SNTG1: variants seen among roughly 807,000 people sequenced by gnomAD.
The protein encoded by SNTG1 is syntrophin gamma 1, also known as gamma-1-syntrophin.
In SNTG1, 39 loss-of-function variants were observed where a neutral mutation model predicts 74.7. That is an observed-to-expected ratio of 0.52 (90% confidence interval 0.40 to 0.68). The LOEUF (loss-of-function observed/expected upper bound fraction) is 0.68. Ranked by LOEUF, SNTG1 falls within the 30% of genes least tolerant of loss-of-function variation. The pLI, the probability that SNTG1 is intolerant of heterozygous loss-of-function variation, is 0.00. For synonymous variants in SNTG1, 254 were observed against 217.1 expected (o/e 1.17, Z -1.49); for missense variants, 685 against 609.5 (o/e 1.12, Z -1.30).
intron 9 of SNTG1, among the ~76,000 whole-genome samples, chr8:50,517,778 C>A (rs978882387): frequency 2.0e-5 from 3 of 151,930 alleles, no homozygotes; most frequent in Admixed American, 1.3e-4. Context: ...TATATGCACC[C>A]AATATAGGAG....
At chr8:50,394,161 T>A in intron 2 of SNTG1, 51 bp from the exon 3 acceptor site, 1 of 1,458,454 alleles carries the variant, frequency 6.9e-7, no homozygotes, top group Non-Finnish European at 9.5e-7. Flanking sequence ...TAGTGTTCTC[T>A]CTTACATGCC....
intron 8 of SNTG1, among the ~76,000 whole-genome samples, chr8:50,471,572 A>G (rs2093654804): frequency 6.6e-6 from 1 of 152,210 alleles, no homozygotes; most frequent in South Asian, 2.1e-4. Context: ...CTACCAAGTT[A>G]CATATTATCT....
chr8:50,408,735 G>A (rs79617695), intron 4 of SNTG1, among the ~76,000 whole-genome samples: 7,139 of 152,278 alleles, frequency 0.047, 218 homozygotes, highest in Middle Eastern at 0.095. Flanking sequence ...AAACCCAGGC[G>A]TCATGCCAAG....
chr8:50,334,814 A>T (rs375468329), intron 2 of SNTG1, among the ~76,000 whole-genome samples: 1 of 152,212 alleles, frequency 6.6e-6, no homozygotes, highest in South Asian at 2.1e-4. Context: ...GCAGCTTAAA[A>T]GCCATTTTTC....
chr8:50,327,973 T>C (rs902193960), intron 2 of SNTG1, among the ~76,000 whole-genome samples: 19 of 152,204 alleles, frequency 1.2e-4, no homozygotes, highest in African/African-American at 4.6e-4. Flanking sequence ...ATCTCATTTC[T>C]TTTATCTTTG....
At chr8:50,019,478 T>A (rs1331839276) in intron 1 of SNTG1, among the ~76,000 whole-genome samples, 1 of 152,080 alleles carries the variant, frequency 6.6e-6, no homozygotes, top group African/African-American at 2.4e-5. Flanking sequence ...TCCCCCTTGT[T>A]CTTAATAAAG....
chr8:50,087,899 T>A (rs1387218912), intron 1 of SNTG1, among the ~76,000 whole-genome samples: 1 of 149,150 alleles, frequency 6.7e-6, no homozygotes, highest in Admixed American at 6.7e-5. Context: ...TCATCTAGCA[T>A]TAGGTATATC....
chr8:50,505,920 T>C (rs921349381), intron 9 of SNTG1, among the ~76,000 whole-genome samples: 1 of 152,102 alleles, frequency 6.6e-6, no homozygotes, highest in African/African-American at 2.4e-5. Context: ...CAGAAAATAA[T>C]TGCCAAATCC....
chr8:50,688,738 G>A (rs1374052075), intron 15 of SNTG1, among the ~76,000 whole-genome samples: 10 of 152,144 alleles, frequency 6.6e-5, no homozygotes, highest in Admixed American at 3.3e-4. Context: ...TTGGCAATGC[G>A]GGCTATTTTT....
intron 2 of SNTG1, among the ~76,000 whole-genome samples, chr8:50,357,604 A>G (rs2091854675): frequency 1.3e-5 from 2 of 152,320 alleles, no homozygotes; most frequent in South Asian, 4.1e-4. Flanking sequence ...TTCAAAGGAA[A>G]TGGACCAGCC....
At chr8:50,671,579 C>G (rs1231452598) in intron 15 of SNTG1, among the ~76,000 whole-genome samples, 2 of 152,106 alleles carry the variant, frequency 1.3e-5, no homozygotes, top group African/African-American at 4.8e-5. Flanking sequence ...AATAGGAACA[C>G]TTTTACACTG....
At chr8:50,539,891 T>C (rs1333248342) in intron 11 of SNTG1, among the ~76,000 whole-genome samples, 2 of 152,216 alleles carry the variant, frequency 1.3e-5, no homozygotes, top group Non-Finnish European at 2.9e-5. Flanking sequence ...GTACCCATTC[T>C]CTAGTCCTTC....
At chr8:50,416,494 G>A (rs2093015495) in intron 4 of SNTG1, among the ~76,000 whole-genome samples, 1 of 151,970 alleles carries the variant, frequency 6.6e-6, no homozygotes, top group Non-Finnish European at 1.5e-5. Context: ...AAACAATAGT[G>A]GTGATTTATT....
intron 1 of SNTG1, among the ~76,000 whole-genome samples, chr8:49,966,469 A>G (rs553068265): frequency 6.6e-6 from 1 of 151,230 alleles, no homozygotes; most frequent in East Asian, 1.9e-4. Flanking sequence ...ATCTCTGCTC[A>G]CTGCAACCTC....
chr8:50,250,495 T>C (rs571313480), intron 2 of SNTG1, among the ~76,000 whole-genome samples: 1 of 152,260 alleles, frequency 6.6e-6, no homozygotes, highest in South Asian at 2.1e-4. Context: ...AACCCAAAAA[T>C]ATTCTTTCCA....
At chr8:50,544,619 C>T (rs182301570) in intron 11 of SNTG1, among the ~76,000 whole-genome samples, 1 of 152,186 alleles carries the variant, frequency 6.6e-6, no homozygotes, top group East Asian at 1.9e-4. Context: ...TGACTCCTTA[C>T]ATTTTCATTT....
Position 50,154,196 on chromosome 8 carries a change from G to A in SNTG1, c.-102-18365G>A, listed in dbSNP as rs149938700. 4.9e-4 allele frequency among the ~76,000 whole-genome samples: 74 copies of A among 152,164 alleles called. No individual in the cohort carries two copies. The East Asian group carries it at 0.012, about 26-fold the overall frequency. On this transcript the variant is annotated intron_variant, in intron 1 of 18. Coordinates refer to ENST00000642720, the MANE Select transcript of SNTG1 (RefSeq NM_018967.5). ...GGCAGACTGACACCTCATACAGCCC[G>A]GTACCCCTCTGTGGGTGTGGGACCC...
At chr8:50,450,647 A>G (rs2093447610) in intron 7 of SNTG1, 41 bp from the exon 8 acceptor site, 2 of 1,613,410 alleles carry the variant, frequency 1.2e-6, no homozygotes, top group Non-Finnish European at 1.7e-6. Context: ...AACTCAATTT[A>G]CAATATGCCA....
At chr8:50,769,153 C>G (rs961429885) in intron 18 of SNTG1, among the ~76,000 whole-genome samples, 3 of 151,336 alleles carry the variant, frequency 2.0e-5, no homozygotes, top group East Asian at 2.0e-4. Context: ...TAAGAGTACT[C>G]TGTACTCTTA....
Sources: gnomAD v4.1 joint callset for allele counts (sites outside exome capture counted in the v4.1 genomes callset) on GRCh38, gnomAD v4.1.1 for gene constraint, MANE v1.5 for transcripts, NCBI Gene and HGNC (gene_info 2026-07-23, HGNC 2026-07-21) for gene names.